RBFOX1: variants seen among roughly 807,000 people sequenced by gnomAD.
The protein encoded by RBFOX1 is RNA binding fox-1 homolog 1, also known as RNA binding protein fox-1 homolog 1.
Under a neutral mutation model 57.7 loss-of-function variants are expected in RBFOX1, and 8 were observed. The observed-to-expected ratio is 0.14, with a 90% confidence interval of 0.08 to 0.25. The LOEUF is 0.25. RBFOX1 is among the 10% of genes least tolerant of loss of function. The pLI, the probability that RBFOX1 is intolerant of heterozygous loss-of-function variation, is 1.00. For synonymous variants in RBFOX1, 326 were observed against 222.4 expected (o/e 1.47, Z -4.15); for missense variants, 611 against 548.5 (o/e 1.11, Z -1.14).
intron 4 of RBFOX1, among the ~76,000 whole-genome samples, chr16:7,360,166 C>G (rs573584881): frequency 7.2e-4 from 109 of 152,266 alleles, no homozygotes; most frequent in African/African-American, 2.6e-3. Flanking sequence ...ATTTAATACG[C>G]TACATGCATT....
chr16:6,232,380 A>G (rs962575653), intron 1 of RBFOX1, among the ~76,000 whole-genome samples: 3 of 152,184 alleles, frequency 2.0e-5, no homozygotes, highest in South Asian at 2.1e-4. Flanking sequence ...GGATTATAAA[A>G]TATGTGTTCT....
At chr16:6,490,229 T>C (rs894388793) in intron 2 of RBFOX1, among the ~76,000 whole-genome samples, 1 of 152,220 alleles carries the variant, frequency 6.6e-6, no homozygotes, top group Non-Finnish European at 1.5e-5. Context: ...ATTTGACACA[T>C]TTTATTCTGC....
chr16:6,503,243 C>T (rs1221414930), intron 2 of RBFOX1, among the ~76,000 whole-genome samples: 3 of 151,972 alleles, frequency 2.0e-5, no homozygotes, highest in African/African-American at 4.8e-5. Flanking sequence ...AAATCTTAAG[C>T]ACAGCCCCCA....
At chr16:7,306,671 A>T (rs1279694063) in intron 4 of RBFOX1, among the ~76,000 whole-genome samples, 1 of 151,892 alleles carries the variant, frequency 6.6e-6, no homozygotes, top group Non-Finnish European at 1.5e-5. Context: ...TGCCTGTTTC[A>T]TTCAGAATTA....
intron 4 of RBFOX1, among the ~76,000 whole-genome samples, chr16:7,230,920 T>C (rs1406861207): frequency 6.6e-6 from 1 of 152,154 alleles, no homozygotes; most frequent in African/African-American, 2.4e-5. Flanking sequence ...AGGTTACTGG[T>C]GTTAATTTTA....
chr16:7,519,526 A>C (rs1600714346), intron 5 of RBFOX1: 1 of 199,966 alleles, frequency 5.0e-6, no homozygotes, highest in Non-Finnish European at 8.9e-6. Context: ...TGTTTTGATC[A>C]TTAATCAAAT....
At chr16:6,822,069 C>T (rs145052830) in intron 3 of RBFOX1, among the ~76,000 whole-genome samples, 2 of 152,050 alleles carry the variant, frequency 1.3e-5, no homozygotes, top group African/African-American at 4.8e-5. Context: ...GAGACTACTG[C>T]CAGTGAAATG....
intron 14 of RBFOX1, among the ~76,000 whole-genome samples, chr16:7,688,592 C>G (rs189804881): frequency 4.1e-4 from 63 of 152,064 alleles, no homozygotes; most frequent in African/African-American, 1.4e-3. Context: ...AGAAGGAAAA[C>G]TGCCAAGAGA....
At chr16:5,927,856 A>G (rs2058968819) in intron 4 of RBFOX1, among the ~76,000 whole-genome samples, 1 of 152,218 alleles carries the variant, frequency 6.6e-6, no homozygotes, top group African/African-American at 2.4e-5. Flanking sequence ...ACAGAAACAC[A>G]AATATTACAC....
rs370237663 is a variant in RBFOX1, at chr16:6,872,405, T to C, written c.-15-179652T>C. 3.3e-5 allele frequency among the ~76,000 whole-genome samples: 5 copies of C among 152,176 alleles called. No homozygotes were observed. In the East Asian group the frequency reaches 7.7e-4, roughly 23 times the overall value. ...TTTACTATGACCATAGCTCTTTTTT[T>C]AATCGATCACCTTTTAACACTTTAA... On this transcript the variant is annotated intron_variant, in intron 3 of 15. Coordinates refer to ENST00000550418, the MANE Select transcript of RBFOX1 (RefSeq NM_018723.4).
chr16:5,866,827 T>A (rs2057354550), intron 3 of RBFOX1, among the ~76,000 whole-genome samples: 1 of 152,192 alleles, frequency 6.6e-6, no homozygotes, highest in Admixed American at 6.5e-5. Flanking sequence ...ACAACTCTAT[T>A]TCACAATATT....
chr16:6,330,105 T>TATGTCTGTAGTTTAATACTAC (rs1473421106), intron 2 of RBFOX1, among the ~76,000 whole-genome samples: 1 of 152,194 alleles, frequency 6.6e-6, no homozygotes, highest in South Asian at 2.1e-4. Flanking sequence ...TACAATAATG[T>TATGTCTGTAGTTTAATACTAC]ATGTCTGTAG....
intron 3 of RBFOX1, among the ~76,000 whole-genome samples, chr16:5,809,567 T>C (rs2055348418): frequency 6.6e-6 from 1 of 151,936 alleles, no homozygotes; most frequent in Non-Finnish European, 1.5e-5. Flanking sequence ...AAAAAACACA[T>C]GAAAAAATGC....
At position 6,997,814 on chromosome 16, in the gene RBFOX1, G is replaced by T. The variant is rs145709054; in HGVS notation, c.-15-54243G>T. Among the ~76,000 whole-genome samples, 415 of 152,206 alleles carry T rather than the reference G, an allele frequency of 2.7e-3. 3 individuals are homozygous for T. Among genetic ancestry groups the T allele is most frequent in the African/African-American group, 9.4e-3 (391 of 41,538 alleles). On this transcript the variant is annotated intron_variant, in intron 3 of 15. Transcript: ENST00000550418. ...TCTCTGAGGTAGGGTTTCTTGCTCT[G>T]TTAGTGCAAATAATTTGTCTTCTAG...
intron 12 of RBFOX1, 46 bp downstream of exon 12, chr16:7,653,993 C>T (rs528417908): frequency 2.8e-6 from 4 of 1,448,868 alleles, no homozygotes; most frequent in Admixed American, 5.3e-5. Flanking sequence ...ACCAGCCCTC[C>T]CTCCCCAGAG....
At chr16:6,939,890 T>A (rs2078056585) in intron 3 of RBFOX1, among the ~76,000 whole-genome samples, 1 of 152,224 alleles carries the variant, frequency 6.6e-6, no homozygotes, top group East Asian at 1.9e-4. Context: ...TGCATATTAT[T>A]CAATTTCACT....
At chr16:5,617,740 A>C (rs1446023127) in intron 3 of RBFOX1, among the ~76,000 whole-genome samples, 1 of 152,188 alleles carries the variant, frequency 6.6e-6, no homozygotes, top group African/African-American at 2.4e-5. Flanking sequence ...TTCCTAAGCT[A>C]ATGCTGTGAA....
At chr16:6,046,370 G>T (rs2095495422) in intron 1 of RBFOX1, among the ~76,000 whole-genome samples, 1 of 152,132 alleles carries the variant, frequency 6.6e-6, no homozygotes, top group Admixed American at 6.5e-5. Flanking sequence ...CACATGGGGA[G>T]GATAGCTGAA....
chr16:5,790,870 T>A (rs536832098), intron 3 of RBFOX1, among the ~76,000 whole-genome samples: 2 of 131,422 alleles, frequency 1.5e-5, no homozygotes, highest in Non-Finnish European at 3.1e-5. Flanking sequence ...TTTTTTTTTT[T>A]TTTGTTTTTT....
Sources: allele counts gnomAD v4.1 joint callset (sites outside exome capture counted in the v4.1 genomes callset), GRCh38; gene constraint gnomAD v4.1.1; transcripts MANE v1.5; gene names NCBI Gene and HGNC (gene_info 2026-07-23, HGNC 2026-07-21).